The following GGT5 variants were observed in gnomAD, a reference collection of about 807,000 sequenced individuals.
GGT5 encodes the protein gamma-glutamyltransferase 5, also known as glutathione hydrolase 5 proenzyme.
Under a neutral mutation model 58.1 loss-of-function variants are expected in GGT5, and 50 were observed. The ratio of observed to expected loss-of-function variants is 0.86; its 90% CI spans 0.69 to 1.09. GGT5 has a LOEUF of 1.09. GGT5 is among the 50% of genes least tolerant of loss of function. GGT5 has a pLI of 0.00. For synonymous variants in GGT5, 370 were observed against 346.1 expected (o/e 1.07, Z -0.77); for missense variants, 800 against 789.4 (o/e 1.01, Z -0.16).
chr22:24,235,719 T>G (rs1274899538), intron 1 of GGT5, among the ~76,000 whole-genome samples: 2 of 152,158 alleles, frequency 1.3e-5, no homozygotes, highest in Non-Finnish European at 2.9e-5. Flanking sequence ...AAAAAACACT[T>G]TAAACTCCCA....
At chr22:24,233,432 CG>C (rs1199355871) in intron 3 of GGT5, 65 bp downstream of exon 3, 2 of 860,948 alleles carry the variant, frequency 2.3e-6, no homozygotes, top group East Asian at 2.6e-5. Context: ...TGCTCCTTTG[CG>C]GGGGTGTTCT....
intron 2 of GGT5, 126 bp downstream of exon 2, chr22:24,233,748 G>GGGGCA: frequency 3.0e-6 from 3 of 992,722 alleles, no homozygotes; most frequent in Non-Finnish European, 4.7e-6. Flanking sequence ...TGAGGCAAAT[G>GGGGCA]GGGCAGGGCA....
At chr22:24,226,367 C>T (rs2047766281) in intron 7 of GGT5, 101 bp from the exon 8 acceptor site, 9 of 919,220 alleles carry the variant, frequency 9.8e-6, no homozygotes, top group African/African-American at 1.6e-5. Flanking sequence ...CACCTCCAGT[C>T]TGTCCTCTAC....
At chr22:24,238,855 T>TA (rs1491487189) in intron 1 of GGT5, among the ~76,000 whole-genome samples, 1 of 11,340 alleles carries the variant, frequency 8.8e-5, no homozygotes, top group Non-Finnish European at 1.3e-4. Flanking sequence ...ATTATATATA[T>TA]TATATATATA....
chr22:24,234,824 G>GA (rs1196944650), intron 1 of GGT5, among the ~76,000 whole-genome samples: 7 of 149,322 alleles, frequency 4.7e-5, no homozygotes, highest in East Asian at 3.9e-4. Flanking sequence ...CCTCAAAAAA[G>GA]AAAAAAAAAG....
rs1194985859 is a variant in GGT5, at chr22:24,226,694, C to T, written c.975G>A (p.Thr325=). 22 of 1,613,756 alleles carry T rather than the reference C, an allele frequency of 1.4e-5. No homozygotes were observed. The highest frequency in any genetic ancestry group is 1.8e-5 in the Non-Finnish European group (21 of 1,179,788). ...ACCTCTGCCCCTTGGCAAACTTGAG[C>T]GTCTCTACAAGGTGGTGGTACACGT... is the stretch of plus-strand genomic sequence containing the variant. The part of the protein sequence containing the change: ...RVNVYHHLVE[T]LKFAKGQRWR... Residue 325 remains threonine (T), a synonymous_variant, in exon 7 of 12, where the codon ACG becomes ACA. Coordinates refer to ENST00000327365, the MANE Select transcript of GGT5 (RefSeq NM_004121.5).
chr22:24,226,828 C>T, intron 6 of GGT5, 61 bp from the exon 7 acceptor site: 2 of 1,353,282 alleles, frequency 1.5e-6, no homozygotes. Context: ...TTGAATGTTG[C>T]CCCCACCCCC....
chr22:24,231,661 C>A lies in GGT5; in HGVS notation c.755-131G>T, dbSNP rs148337661. The A allele has an allele frequency of 5.2e-5, 49 of 950,400 alleles. No homozygotes were observed. The East Asian group carries it at 1.3e-3, about 25-fold the overall frequency. The allele number at this position is 950,400 out of a possible 1,614,324, so 58.9% of individuals were successfully genotyped here. ...TTGTGGACACAGGATGATGGTAGGT[C>A]TGTAGGCAGTGGCCTCAGGACTGGC... On this transcript the variant is annotated intron_variant, in intron 5 of 11. Transcript: ENST00000327365.
At position 24,225,006 on chromosome 22, in the gene GGT5, T is replaced by C. The variant is rs372732410; in HGVS notation, c.1604A>G (p.Asn535Ser). 53 of 1,589,312 alleles carry C rather than the reference T, an allele frequency of 3.3e-5. No individual in the cohort carries two copies. In the African/African-American group the frequency reaches 3.4e-4, roughly 10 times the overall value. ...NSKGCVEYEP[N>S]FSQEVQRGLQ... ...GGACCTCAGCCTCACCTGGCTGAAG[T>C]TGGGCTCGTACTCCACACAGCCCTT... The change falls in exon 11 of 12, where the codon AAC becomes AGC. Residue 535 changes from asparagine to serine, a missense_variant. Transcript: ENST00000327365.
chr22:24,222,465 C>G (rs1569351613), intron 11 of GGT5, among the ~76,000 whole-genome samples: 1 of 152,162 alleles, frequency 6.6e-6, no homozygotes. Flanking sequence ...CTCCATTCCT[C>G]AGAGTCCACT....
intron 11 of GGT5, among the ~76,000 whole-genome samples, chr22:24,223,289 C>A (rs757427922): frequency 4.0e-5 from 6 of 151,850 alleles, no homozygotes; most frequent in Non-Finnish European, 8.8e-5. Context: ...GTAGTCCCAG[C>A]TACTCAGAGG....
rs2047782997 is a variant in GGT5 at position 24,226,838 on chromosome 22, C to G, written c.902-71G>C. On this transcript the variant is annotated intron_variant, in intron 6 of 11. Coordinates refer to ENST00000327365, the MANE Select transcript of GGT5 (RefSeq NM_004121.5). ...ATGGGTTGAATGTTGCCCCCACCCC[C>G]CACCACAGAAAGATCCACCCACATC... 5 of 1,323,038 alleles carry G rather than the reference C, an allele frequency of 3.8e-6. No individual in the cohort carries two copies. In the South Asian group the frequency reaches 4.9e-5, roughly 13 times the overall value. 82.0% of individuals were successfully genotyped at this position (1,323,038 alleles called of 1,614,324 possible).
intron 1 of GGT5, 111 bp downstream of exon 1, chr22:24,244,442 T>TCA: frequency 6.1e-5 from 55 of 900,358 alleles, no homozygotes; most frequent in Non-Finnish European, 8.5e-5. Flanking sequence ...ACCCAGACAC[T>TCA]CACACACACA....
Position 24,231,495 on chromosome 22 carries a change from G to A in GGT5, c.790C>T (p.Gln264Ter), listed in dbSNP as rs2047939724. 1 of 1,587,208 alleles carries A rather than the reference G, an allele frequency of 6.3e-7. No homozygotes were observed. The highest frequency in any genetic ancestry group is 8.6e-7 in the Non-Finnish European group (1 of 1,166,660). ...TCCAGGGCATCCACCACCTCGGGCT[G>A]GAACTTGGCCAGGTCCTGCAGCGTC... ...QLTLQDLAKF[Q>*]PEVVDALEVP... Residue 264 changes from glutamine (Q) to a stop codon, truncating the protein, a stop_gained, in exon 6 of 12, where the codon CAG becomes TAG. Transcript: ENST00000327365. LOFTEE classifies it high-confidence loss of function.
Position 24,233,545 on chromosome 22 carries a change from G to T in GGT5, c.353C>A (p.Ala118Asp). 6.2e-7 allele frequency: 1 copy of T among 1,609,740 alleles called. No homozygotes were observed. The change falls in exon 3 of 12, where the codon GCC (alanine) becomes GAC (aspartate). Residue 118 changes from alanine to aspartate, a missense_variant. Coordinates refer to ENST00000327365, the MANE Select transcript of GGT5 (RefSeq NM_004121.5). ...TGCACACTGGTCCAGCAGGCTCGGG[G>T]CGTGGCTGGCCGGCACCGTCTCCCG... ...NARETVPASH[A>D]PSLLDQCAQA... is the part of the protein sequence containing the mutation.
intron 11 of GGT5, among the ~76,000 whole-genome samples, chr22:24,222,738 G>A (rs747099043): frequency 2.0e-5 from 3 of 152,202 alleles, no homozygotes; most frequent in Admixed American, 6.5e-5. Context: ...CAGGGTGAAA[G>A]GTCCTGAGAA....
intron 1 of GGT5, among the ~76,000 whole-genome samples, chr22:24,239,285 G>A (rs1265269810): frequency 6.6e-6 from 1 of 151,636 alleles, no homozygotes; most frequent in Admixed American, 6.6e-5. Flanking sequence ...CTTGCAGTGA[G>A]CCGAGATTGT....
At chr22:24,234,829 AAAAAG>A (rs1257350090) in intron 1 of GGT5, among the ~76,000 whole-genome samples, 3 of 152,002 alleles carry the variant, frequency 2.0e-5, no homozygotes, top group South Asian at 2.1e-4. Context: ...AAAAAGAAAA[AAAAAG>A]AAAAGAAAAG....
chr22:24,239,264 A>G (rs866003601), intron 1 of GGT5, among the ~76,000 whole-genome samples: 4 of 151,278 alleles, frequency 2.6e-5, no homozygotes, highest in South Asian at 2.1e-4. Context: ...GCGTGAACCC[A>G]GGAGGCAGAG....
Sources: allele counts gnomAD v4.1 joint callset (sites outside exome capture counted in the v4.1 genomes callset), GRCh38; gene constraint gnomAD v4.1.1; transcripts MANE v1.5; gene names NCBI Gene and HGNC (gene_info 2026-07-23, HGNC 2026-07-21).